The following PRIM2 variants were observed in gnomAD, a reference collection of about 807,000 sequenced individuals.
PRIM2 encodes the protein DNA primase large subunit.
In PRIM2, 39 loss-of-function variants were observed where a neutral mutation model predicts 67.3. That is an observed-to-expected ratio of 0.58 (90% CI 0.45 to 0.76). The LOEUF (loss-of-function observed/expected upper bound fraction) is 0.76. Ranked by LOEUF, PRIM2 falls within the 30% of genes least tolerant of loss-of-function variation. The pLI is 0.00. For missense variants in PRIM2, 398 were observed against 598.7 expected (o/e 0.66, Z 3.50); for synonymous variants, 143 against 198.7 (o/e 0.72, Z 2.36).
At position 57,337,784 on chromosome 6, in the gene PRIM2, C is replaced by T. The variant is rs13076503; in HGVS notation, c.459+11739C>T. Among the ~76,000 whole-genome samples, 534 of 152,300 alleles carry T rather than the reference C, an allele frequency of 3.5e-3. 3 individuals are homozygous for T. Among genetic ancestry groups the T allele is most frequent in the African/African-American group, 0.012 (516 of 41,552 alleles). On this transcript the variant is annotated intron_variant, in intron 5 of 13. Coordinates refer to ENST00000615550, the MANE Select transcript of PRIM2 (RefSeq NM_000947.5). ...GAAAGATCCAAAGTTGACACCCTAA[C>T]ATCACAATTAGGATTAGAAAAGCAA...
chr6:57,491,324 A>C (rs1773885434), intron 7 of PRIM2, among the ~76,000 whole-genome samples: 1 of 152,240 alleles, frequency 6.6e-6, no homozygotes, highest in Non-Finnish European at 1.5e-5. Context: ...CAAAACTTGC[A>C]AAAGAAATTT....
the PRIM2 span, among the ~76,000 whole-genome samples, chr6:57,255,524 T>G: frequency 6.6e-6 from 1 of 151,206 alleles, no homozygotes; most frequent in African/African-American, 2.4e-5. Context: ...AGAATTACTC[T>G]CAATTTACTT....
rs1206038038 is a variant in PRIM2 at position 57,487,883 on chromosome 6, A to G, written c.694-19504A>G. On this transcript the variant is annotated intron_variant, in intron 7 of 13. Coordinates refer to ENST00000615550, the MANE Select transcript of PRIM2 (RefSeq NM_000947.5). ...GCTACTAGCTTTTAGCACATAGTCC[A>G]TTGTTTTATATAATGCATATTTGTT... is the stretch of plus-strand genomic sequence containing the variant. 1.1e-4 allele frequency among the ~76,000 whole-genome samples: 16 copies of G among 152,294 alleles called. No homozygotes were observed. The South Asian group carries it at 2.9e-3, about 28-fold the overall frequency.
chr6:57,355,063 G>C (rs982561613), intron 5 of PRIM2, among the ~76,000 whole-genome samples: 2 of 152,300 alleles, frequency 1.3e-5, no homozygotes, highest in African/African-American at 4.8e-5. Context: ...CAGCACTTCG[G>C]GAGGCTGAGG....
intron 7 of PRIM2, among the ~76,000 whole-genome samples, chr6:57,498,008 C>T (rs1774044883): frequency 6.6e-6 from 1 of 152,120 alleles, no homozygotes; most frequent in African/African-American, 2.4e-5. Flanking sequence ...ACAGGATTTT[C>T]TGTTGTTAAA....
intron 13 of PRIM2, among the ~76,000 whole-genome samples, chr6:57,645,072 A>G (rs1173275479): frequency 8.5e-5 from 13 of 152,186 alleles, no homozygotes; most frequent in Non-Finnish European, 5.9e-5. Flanking sequence ...GAAGAATTAC[A>G]TTGACTTAGG....
chr6:57,230,182 T>C, the PRIM2 span, among the ~76,000 whole-genome samples: 1 of 152,220 alleles, frequency 6.6e-6, no homozygotes, highest in Non-Finnish European at 1.5e-5. Context: ...TTCAGGATCC[T>C]GGGGGATGGT....
intron 7 of PRIM2, among the ~76,000 whole-genome samples, chr6:57,455,023 C>G (rs928674633): frequency 1.3e-5 from 2 of 152,144 alleles, no homozygotes; most frequent in Non-Finnish European, 2.9e-5. Flanking sequence ...ATCTTTATTT[C>G]TGCCTTCATT....
chr6:57,611,823 T>G (rs1776672040), intron 12 of PRIM2, among the ~76,000 whole-genome samples: 1 of 151,962 alleles, frequency 6.6e-6, no homozygotes, highest in Non-Finnish European at 1.5e-5. Context: ...AGCCACAGAC[T>G]GGAAGAAAAT....
intron 5 of PRIM2, among the ~76,000 whole-genome samples, chr6:57,369,193 G>C (rs1339684100): frequency 2.6e-5 from 4 of 152,282 alleles, no homozygotes; most frequent in African/African-American, 7.2e-5. Context: ...TTACTGTGTA[G>C]AGTATTTGCC....
intron 5 of PRIM2, among the ~76,000 whole-genome samples, chr6:57,375,197 G>A (rs551536513): frequency 6.6e-6 from 1 of 152,236 alleles, no homozygotes; most frequent in South Asian, 2.1e-4. Flanking sequence ...GATATTGGCT[G>A]TGGGTTTGTC....
chr6:57,342,446 T>G (rs1768525693), intron 5 of PRIM2, among the ~76,000 whole-genome samples: 1 of 75,828 alleles, frequency 1.3e-5, no homozygotes. Flanking sequence ...GTTGGCCAGT[T>G]AGGGAAAGGT....
At chr6:57,353,989 GTAATT>G (rs1768942379) in intron 5 of PRIM2, among the ~76,000 whole-genome samples, 1 of 152,138 alleles carries the variant, frequency 6.6e-6, no homozygotes, top group East Asian at 1.9e-4. Flanking sequence ...ATAGAGAAAA[GTAATT>G]AGTTAGCTTG....
At chr6:57,425,757 T>C (rs1771601691) in intron 7 of PRIM2, among the ~76,000 whole-genome samples, 1 of 152,102 alleles carries the variant, frequency 6.6e-6, no homozygotes, top group South Asian at 2.1e-4. Context: ...AGGCCAGAGA[T>C]CTGAGGGACA....
intron 7 of PRIM2, among the ~76,000 whole-genome samples, chr6:57,414,356 A>G (rs1419072572): frequency 5.3e-5 from 8 of 152,172 alleles, no homozygotes; most frequent in African/African-American, 1.9e-4. Context: ...TACTGGTTCT[A>G]TAAGTGTTTA....
At chr6:57,359,428 T>C (rs1484879900) in intron 5 of PRIM2, among the ~76,000 whole-genome samples, 1 of 152,230 alleles carries the variant, frequency 6.6e-6, no homozygotes, top group Non-Finnish European at 1.5e-5. Context: ...TCCAGATTAA[T>C]CTGTTCACCA....
At chr6:57,293,607 C>T in the PRIM2 span, among the ~76,000 whole-genome samples, 35 of 152,144 alleles carry the variant, frequency 2.3e-4, no homozygotes, top group Non-Finnish European at 4.7e-4. Flanking sequence ...CAATGATAGA[C>T]TGGATTAAGA....
chr6:57,573,510 T>G (rs1345569391), intron 10 of PRIM2, among the ~76,000 whole-genome samples: 1 of 152,082 alleles, frequency 6.6e-6, no homozygotes, highest in Non-Finnish European at 1.5e-5. Flanking sequence ...GAATAGAAAA[T>G]AATTCTTATT....
Position 57,463,351 on chromosome 6 carries a change from G to T in PRIM2, c.694-44036G>T, listed in dbSNP as rs775428982. 9.1e-4 allele frequency among the ~76,000 whole-genome samples: 138 copies of T among 152,292 alleles called. 1 individual carries two copies. Among genetic ancestry groups the T allele is most frequent in the African/African-American group, 3.1e-3 (130 of 41,542 alleles). The stretch of plus-strand genomic sequence containing the variant: ...CTACAAAAAATAAAAAATTAGCCAG[G>T]TGTGGTGGCCTGCAGCTGTTGTCCT... On this transcript the variant is annotated intron_variant, in intron 7 of 13. Transcript: ENST00000615550.
Sources: gnomAD v4.1 joint callset for allele counts (sites outside exome capture counted in the v4.1 genomes callset) on GRCh38, gnomAD v4.1.1 for gene constraint, MANE v1.5 for transcripts, NCBI Gene and HGNC (gene_info 2026-07-23, HGNC 2026-07-21) for gene names.